Variants in EMP2 observed in about 807,000 individuals in gnomAD.
The protein encoded by EMP2 is epithelial membrane protein 2.
In EMP2, 19 loss-of-function variants were observed where a neutral mutation model predicts 13.7. The observed-to-expected ratio is 1.38, with a 90% confidence interval of 0.97 to 2.03. EMP2 has a LOEUF of 2.03. EMP2 is among the 30% of genes most tolerant of loss of function. EMP2 has a pLI of 0.00. For synonymous variants in EMP2, 97 were observed against 84.7 expected, an observed-to-expected ratio of 1.15 and a Z score of -0.80; for missense variants, 253 against 220.7, an observed-to-expected ratio of 1.15 and a Z score of -0.93.
intron 3 of EMP2, among the ~76,000 whole-genome samples, chr16:10,538,372 C>T (rs927537254): frequency 1.3e-5 from 2 of 152,198 alleles, no homozygotes; most frequent in Admixed American, 1.3e-4. Flanking sequence ...ATGCTTGGCT[C>T]ATGGACAGGG....
chr16:10,547,353 C>T, intron 2 of EMP2, 187 bp downstream of exon 2: 3 of 603,186 alleles, frequency 5.0e-6, no homozygotes, highest in Non-Finnish European at 8.5e-6. Context: ...TGGCTTTGCT[C>T]CTCCTTTGCC....
chr16:10,543,506 C>T, intron 3 of EMP2, 64 bp downstream of exon 3: 1 of 1,576,346 alleles, frequency 6.3e-7, no homozygotes. Context: ...AACCCGAAGC[C>T]TCACTCCTGA....
intron 1 of EMP2, among the ~76,000 whole-genome samples, chr16:10,572,318 G>A (rs1466563342): frequency 6.6e-6 from 1 of 151,806 alleles, no homozygotes; most frequent in African/African-American, 2.4e-5. Context: ...TTAGCTGGGT[G>A]CACCTGTGGT....
Position 10,575,237 on chromosome 16 carries a change from C to CTTTTTTTTTT in EMP2, c.-61+5302_-61+5311dup, listed in dbSNP as rs761837614. On this transcript the variant is annotated intron_variant, in intron 1 of 4. Transcript: ENST00000359543. ...TGGCCTTGGTCCTGGAGCTTGCATTCTTTTTTTTTTTTTTTTTTTTTTTTT... is the reference window on the plus strand; with the variant it reads ...TGGCCTTGGTCCTGGAGCTTGCATTCTTTTTTTTTTTTTTTTTTTTTTTTTTTTTTTTTTT... Among the ~76,000 whole-genome samples, 269 of 52,468 alleles carry CTTTTTTTTTT rather than the reference C, an allele frequency of 5.1e-3. 52 individuals are homozygous for CTTTTTTTTTT. The highest frequency in any genetic ancestry group is 6.8e-3 in the African/African-American group (106 of 15,656). 34.4% of individuals were successfully genotyped at this position (52,468 alleles called of 152,430 possible). A position where few individuals can be genotyped will look rare whatever the true frequency, so the allele number is the denominator to read the frequency against.
intron 1 of EMP2, among the ~76,000 whole-genome samples, chr16:10,562,316 C>T (rs184076974): frequency 2.0e-5 from 3 of 151,258 alleles, no homozygotes; most frequent in African/African-American, 4.9e-5. Context: ...GGGCCAAAGC[C>T]TCAAGAAGCC....
intron 1 of EMP2, among the ~76,000 whole-genome samples, chr16:10,564,757 G>C (rs1190499068): frequency 6.6e-6 from 1 of 152,100 alleles, no homozygotes; most frequent in African/African-American, 2.4e-5. Flanking sequence ...CAGCCTCCAG[G>C]AGGGAAGGAA....
In EMP2 at chr16:10,532,967, C is replaced by G; in HGVS notation, c.442G>C (p.Val148Leu). The change falls in exon 5 of 5, where the codon GTG becomes CTG. Residue 148 changes from valine (V) to leucine (L), a missense_variant. Transcript: ENST00000359543. The part of the protein sequence containing the change: ...SYGYSYILAW[V>L]AFACTFISGM... The stretch of plus-strand genomic sequence containing the variant: ...CTGATGAAGGTGCAGGCGAAGGCCA[C>G]CCACGCCAGGATGTAGGAGTAGCCG... 1.9e-6 allele frequency: 3 copies of G among 1,609,734 alleles called. No individual in the cohort carries two copies. The highest frequency in any genetic ancestry group is 2.5e-6 in the Non-Finnish European group (3 of 1,178,014).
intron 1 of EMP2, 129 bp from the exon 2 acceptor site, chr16:10,547,806 G>A: frequency 1.7e-6 from 1 of 575,386 alleles, no homozygotes; most frequent in South Asian, 2.2e-5. Context: ...GAGAAGGTGG[G>A]AAGATCACTT....
intron 1 of EMP2, among the ~76,000 whole-genome samples, chr16:10,557,355 T>G (rs1186573248): frequency 2.1e-5 from 2 of 94,802 alleles, no homozygotes; most frequent in African/African-American, 6.8e-5. Flanking sequence ...AGACTCCATC[T>G]CAAAAAAAAA....
intron 4 of EMP2, among the ~76,000 whole-genome samples, chr16:10,535,003 G>C (rs182338166): frequency 1.3e-5 from 2 of 152,292 alleles, no homozygotes; most frequent in African/African-American, 4.8e-5. Context: ...CCCTGTCAGG[G>C]TTCCTTGATT....
intron 1 of EMP2, among the ~76,000 whole-genome samples, chr16:10,577,245 G>A (rs911115285): frequency 6.6e-5 from 10 of 152,136 alleles, no homozygotes; most frequent in Admixed American, 1.3e-4. Context: ...GGGCTGTCCC[G>A]AATGCAGTGA....
At chr16:10,564,363 C>T (rs1382581883) in intron 1 of EMP2, among the ~76,000 whole-genome samples, 3 of 151,754 alleles carry the variant, frequency 2.0e-5, no homozygotes, top group African/African-American at 7.3e-5. Flanking sequence ...TGGTGGCAGG[C>T]ACCTGTAATC....
At chr16:10,540,544 T>C (rs1172795279) in intron 3 of EMP2, among the ~76,000 whole-genome samples, 3 of 93,196 alleles carry the variant, frequency 3.2e-5, no homozygotes, top group African/African-American at 1.1e-4. Context: ...ATAAATAGAT[T>C]TCTCTAAGGA....
chr16:10,562,368 C>CTCTCTCTATCTA (rs2050877912), intron 1 of EMP2, among the ~76,000 whole-genome samples: 3 of 146,074 alleles, frequency 2.1e-5, no homozygotes, highest in African/African-American at 7.7e-5. Flanking sequence ...CTCTCTCTCT[C>CTCTCTCTATCTA]TCTCTCTCTC....
Position 10,542,739 on chromosome 16 carries a change from G to C in EMP2, c.169+831C>G, listed in dbSNP as rs565796826. On this transcript the variant is annotated intron_variant, in intron 3 of 4. Transcript: ENST00000359543. ...GTATTTTAGCTCATTGAAGAGGTGG[G>C]CACAGCAAAGGCATCATTATTACTT... Among the ~76,000 whole-genome samples, 5 of 152,292 alleles carry C rather than the reference G, an allele frequency of 3.3e-5. No individual in the cohort carries two copies. In the South Asian group the frequency reaches 6.2e-4, roughly 19 times the overall value.
intron 3 of EMP2, among the ~76,000 whole-genome samples, chr16:10,542,921 C>T (rs566037983): frequency 7.4e-4 from 113 of 152,372 alleles, no homozygotes; most frequent in African/African-American, 2.7e-3. Flanking sequence ...TCTCGGCTCA[C>T]CGCAACCTCC....
Position 10,543,648 on chromosome 16 carries a change from C to G in EMP2, c.91G>C (p.Gly31Arg). 7 of 1,614,210 alleles carry G rather than the reference C, an allele frequency of 4.3e-6. No homozygotes were observed. The highest frequency in any genetic ancestry group is 5.9e-6 in the Non-Finnish European group (7 of 1,180,016). ...CAGACATCTGCAAAAAACTCATCTC[C>G]TACCCACCAGGCCTGTAACACAAAA... ...IATVDNAWWV[G>R]DEFFADVWRI... The change falls in exon 3 of 5, where the codon GGA (glycine) becomes CGA (arginine). Residue 31 changes from glycine (G) to arginine (R), a missense_variant. Transcript: ENST00000359543.
chr16:10,578,275 A>G (rs1254020764), intron 1 of EMP2: 1 of 152,134 alleles, frequency 6.6e-6, no homozygotes, highest in East Asian at 1.9e-4. Flanking sequence ...TGTTGCGGGA[A>G]ATTGGGGAGT....
intron 3 of EMP2, among the ~76,000 whole-genome samples, chr16:10,538,699 G>A (rs928269704): frequency 6.6e-6 from 1 of 152,188 alleles, no homozygotes; most frequent in East Asian, 1.9e-4. Flanking sequence ...GGTGGAGGGT[G>A]TCACATGGGG....
Sources: gnomAD v4.1 joint callset for allele counts (sites outside exome capture counted in the v4.1 genomes callset) on GRCh38, gnomAD v4.1.1 for gene constraint, MANE v1.5 for transcripts, NCBI Gene and HGNC (gene_info 2026-07-23, HGNC 2026-07-21) for gene names.